IGSF5: variants seen among roughly 807,000 people sequenced by gnomAD.
The protein encoded by IGSF5 is immunoglobulin superfamily 5 like.
In IGSF5, 41 loss-of-function variants were observed where a neutral mutation model predicts 39.4. The observed-to-expected ratio is 1.04, with a 90% confidence interval of 0.81 to 1.35. The LOEUF is 1.35. IGSF5 is among the 40% of genes most tolerant of loss of function. The pLI, the probability that IGSF5 is intolerant of heterozygous loss-of-function variation, is 0.00. For missense variants in IGSF5, 487 were observed against 494.6 expected, an observed-to-expected ratio of 0.98 and a Z score of 0.15; for synonymous variants, 183 against 175.3, an observed-to-expected ratio of 1.04 and a Z score of -0.34.
At chr21:39,732,254 A>G in the IGSF5 span, among the ~76,000 whole-genome samples, 1 of 152,150 alleles carries the variant, frequency 6.6e-6, no homozygotes, top group South Asian at 2.1e-4. Flanking sequence ...GAAATCACTA[A>G]TTTTTGGGGT....
chr21:39,723,332 G>A, the IGSF5 span, among the ~76,000 whole-genome samples: 1 of 152,178 alleles, frequency 6.6e-6, no homozygotes, highest in South Asian at 2.1e-4. Flanking sequence ...CCATGTGGGT[G>A]TCTCCAACAT....
chr21:39,744,837 C>T (rs988249728), upstream of IGSF5, among the ~76,000 whole-genome samples: 10 of 152,178 alleles, frequency 6.6e-5, no homozygotes, highest in South Asian at 6.2e-4. Context: ...AAGCAGTTGC[C>T]GCTACCAACT....
chr21:39,759,714 A>G (rs2080051809), intron 2 of IGSF5, among the ~76,000 whole-genome samples: 1 of 151,854 alleles, frequency 6.6e-6, no homozygotes, highest in Non-Finnish European at 1.5e-5. Flanking sequence ...AAAAATACAA[A>G]AAATTAGCAG....
At chr21:39,717,779 C>T in the IGSF5 span, among the ~76,000 whole-genome samples, 1 of 152,116 alleles carries the variant, frequency 6.6e-6, no homozygotes, top group Non-Finnish European at 1.5e-5. Context: ...TAACATAATT[C>T]CTCCAGATTT....
At chr21:39,786,270 A>C (rs921106719) in intron 5 of IGSF5, among the ~76,000 whole-genome samples, 11 of 152,214 alleles carry the variant, frequency 7.2e-5, no homozygotes, top group African/African-American at 2.6e-4. Flanking sequence ...AGAAAAAAAC[A>C]AACAACCCTA....
the IGSF5 span, among the ~76,000 whole-genome samples, chr21:39,718,997 A>C: frequency 1.3e-5 from 2 of 152,038 alleles, no homozygotes; most frequent in South Asian, 4.2e-4. Flanking sequence ...TTTGATTAGC[A>C]GGCTATTTAT....
At chr21:39,760,336 G>A (rs2080054867) in intron 2 of IGSF5, among the ~76,000 whole-genome samples, 1 of 152,288 alleles carries the variant, frequency 6.6e-6, no homozygotes, top group African/African-American at 2.4e-5. Flanking sequence ...AGCCCAGTAG[G>A]GAAAACAGGC....
At chr21:39,730,144 C>G in the IGSF5 span, 3 of 152,372 alleles carry the variant, frequency 2.0e-5, no homozygotes, top group South Asian at 6.2e-4. Context: ...CTGCTTCTTC[C>G]TGCTTCTGCT....
intron 2 of IGSF5, among the ~76,000 whole-genome samples, chr21:39,759,437 C>A (rs1294545822): frequency 6.6e-6 from 1 of 152,182 alleles, no homozygotes; most frequent in East Asian, 1.9e-4. Context: ...GGTTAACAAA[C>A]CACCCTTAAT....
Position 39,798,688 on chromosome 21 carries a change from C to T in IGSF5, c.1129-2574C>T, listed in dbSNP as rs552376402. The stretch of plus-strand genomic sequence containing the variant: ...TAATAACATCCAACAGTTAGTAAAA[C>T]AGGAAACTAGAACTTTAATATTTTA... On this transcript the variant is annotated intron_variant, in intron 8 of 8. Coordinates refer to ENST00000380588, the MANE Select transcript of IGSF5 (RefSeq NM_001080444.2). 2.6e-5 allele frequency among the ~76,000 whole-genome samples: 4 copies of T among 152,272 alleles called. No individual in the cohort carries two copies. The East Asian group carries it at 7.7e-4, about 29-fold the overall frequency.
chr21:39,780,693 T>C (rs1043815250), intron 5 of IGSF5, among the ~76,000 whole-genome samples: 11 of 152,212 alleles, frequency 7.2e-5, no homozygotes, highest in African/African-American at 2.4e-4. Flanking sequence ...CCACATCGTA[T>C]GAAAGCAGTA....
In IGSF5 at chr21:39,782,845, T is replaced by C. The variant is rs187975707; in HGVS notation, c.934+3540T>C. On this transcript the variant is annotated intron_variant, in intron 5 of 8. Coordinates refer to ENST00000380588, the MANE Select transcript of IGSF5 (RefSeq NM_001080444.2). ...TTTTCCTCTTATCTAGCCGTAACTT[T>C]GTGTTCATTAACCAAGCTGTCCCTA... 1.9e-3 allele frequency among the ~76,000 whole-genome samples: 288 copies of C among 152,300 alleles called. 2 individuals carry two copies. The highest frequency in any genetic ancestry group is 5.7e-3 in the African/African-American group (238 of 41,568).
rs555176778 is a variant in IGSF5, at chr21:39,789,632, GA to G, written c.956+1451del. ...TGTATATAGTTGTATGTTTATTATGGAAAAAAATCAATGCATGTTTATTTTT... is the reference window on the plus strand; with the variant it reads ...TGTATATAGTTGTATGTTTATTATGGAAAAAATCAATGCATGTTTATTTTT... On this transcript the variant is annotated intron_variant, in intron 6 of 8. Transcript: ENST00000380588. Among the ~76,000 whole-genome samples, 10 of 151,794 alleles carry G rather than the reference GA, an allele frequency of 6.6e-5. No individual in the cohort carries two copies. The South Asian group carries it at 2.1e-3, about 32-fold the overall frequency.
chr21:39,786,310 C>T (rs1171083091), intron 5 of IGSF5, among the ~76,000 whole-genome samples: 11 of 151,016 alleles, frequency 7.3e-5, no homozygotes, highest in African/African-American at 2.5e-4. Flanking sequence ...CATGAACAGA[C>T]ACTTCTCAAA....
the IGSF5 span, among the ~76,000 whole-genome samples, chr21:39,737,939 G>A: frequency 6.6e-6 from 1 of 152,194 alleles, no homozygotes; most frequent in Non-Finnish European, 1.5e-5. Context: ...AAGGAGAGTG[G>A]GAGTAGGTCA....
the IGSF5 span, among the ~76,000 whole-genome samples, chr21:39,727,329 G>A: frequency 1.3e-5 from 2 of 152,184 alleles, no homozygotes; most frequent in African/African-American, 2.4e-5. Context: ...GGACGAGCAG[G>A]CAAAGAAAGA....
the IGSF5 span, among the ~76,000 whole-genome samples, chr21:39,731,690 A>T: frequency 6.6e-6 from 1 of 152,182 alleles, no homozygotes; most frequent in Admixed American, 6.5e-5. Flanking sequence ...AATTCAGCTC[A>T]CAAACTGAAT....
intron 8 of IGSF5, among the ~76,000 whole-genome samples, chr21:39,797,976 A>G (rs466303): frequency 0.69 from 105,220 of 152,150 alleles, 38,634 homozygotes; most frequent in Non-Finnish European, 0.81. Context: ...CTTTGTGATC[A>G]GCGGCACTTT....
chr21:39,797,609 T>C (rs912321279), intron 8 of IGSF5, among the ~76,000 whole-genome samples: 2 of 152,176 alleles, frequency 1.3e-5, no homozygotes, highest in Admixed American at 1.3e-4. Context: ...CTCGTACTCC[T>C]GGGCTCAAGG....
Sources: allele counts gnomAD v4.1 joint callset (sites outside exome capture counted in the v4.1 genomes callset), GRCh38; gene constraint gnomAD v4.1.1; transcripts MANE v1.5; gene names NCBI Gene and HGNC (gene_info 2026-07-23, HGNC 2026-07-21).